The following ADGRB3 variants were observed in gnomAD, a reference collection of about 807,000 sequenced individuals.
ADGRB3 encodes adhesion G protein-coupled receptor B3, also known as brain-specific angiogenesis inhibitor 3.
A neutral mutation model predicts 193.4 loss-of-function variants in ADGRB3; 37 were observed. That is an observed-to-expected ratio of 0.19 (90% CI 0.15 to 0.25). The LOEUF is 0.25. Ranked by LOEUF, ADGRB3 falls within the 10% of genes least tolerant of loss-of-function variation. The pLI is 1.00. For synonymous variants in ADGRB3, 690 were observed against 644.2 expected, an observed-to-expected ratio of 1.07 and a Z score of -1.08; for missense variants, 1,637 against 1,852.9, an observed-to-expected ratio of 0.88 and a Z score of 2.14.
At chr6:68,789,773 A>G (rs929943256) in intron 3 of ADGRB3, among the ~76,000 whole-genome samples, 8 of 152,164 alleles carry the variant, frequency 5.3e-5, no homozygotes, top group East Asian at 1.9e-4. Flanking sequence ...CATTCTCCCC[A>G]TCACTTTCAG....
intron 3 of ADGRB3, among the ~76,000 whole-genome samples, chr6:68,921,542 A>G (rs575674959): frequency 1.3e-5 from 2 of 152,270 alleles, no homozygotes; most frequent in South Asian, 4.2e-4. Flanking sequence ...GGAATGTGGC[A>G]ATATCTAACA....
chr6:69,189,550 A>G (rs1254226468), intron 17 of ADGRB3, among the ~76,000 whole-genome samples: 1 of 152,130 alleles, frequency 6.6e-6, no homozygotes, highest in Non-Finnish European at 1.5e-5. Flanking sequence ...ACACATTAAC[A>G]TTCACTTTTA....
intron 3 of ADGRB3, among the ~76,000 whole-genome samples, chr6:68,751,797 G>A (rs1766204391): frequency 1.3e-5 from 2 of 152,030 alleles, no homozygotes; most frequent in Non-Finnish European, 2.9e-5. Context: ...AACGCAAGGG[G>A]GCATACTGTA....
chr6:68,687,992 A>G (rs1765012544), intron 3 of ADGRB3, among the ~76,000 whole-genome samples: 1 of 152,160 alleles, frequency 6.6e-6, no homozygotes, highest in Non-Finnish European at 1.5e-5. Flanking sequence ...AAACACATTC[A>G]GAAAGAGAGA....
At chr6:68,650,402 T>C (rs908797535) in intron 3 of ADGRB3, among the ~76,000 whole-genome samples, 1 of 152,070 alleles carries the variant, frequency 6.6e-6, no homozygotes, top group Admixed American at 6.6e-5. Context: ...ATATACATCA[T>C]ACATAATATT....
chr6:69,086,292 A>G (rs1772549211), intron 17 of ADGRB3, among the ~76,000 whole-genome samples: 1 of 151,996 alleles, frequency 6.6e-6, no homozygotes, highest in Non-Finnish European at 1.5e-5. Flanking sequence ...CTGTTTGCCC[A>G]CTCTCTCTAC....
At chr6:69,063,082 T>G (rs1305883157) in intron 16 of ADGRB3, 46 bp downstream of exon 16, 1 of 1,395,794 alleles carries the variant, frequency 7.2e-7, no homozygotes, top group South Asian at 1.2e-5. Context: ...GAATTACCTT[T>G]CTAACAGTCA....
chr6:69,231,600 T>C (rs1766141797), intron 17 of ADGRB3, among the ~76,000 whole-genome samples: 1 of 152,178 alleles, frequency 6.6e-6, no homozygotes, highest in Admixed American at 6.6e-5. Flanking sequence ...ATGAAGTAAA[T>C]TGATGTGCTG....
intron 10 of ADGRB3, among the ~76,000 whole-genome samples, chr6:68,988,465 G>T (rs927032831): frequency 6.6e-6 from 1 of 152,054 alleles, no homozygotes; most frequent in African/African-American, 2.4e-5. Context: ...TGTTACTAGG[G>T]TACTTGTAGT....
intron 17 of ADGRB3, among the ~76,000 whole-genome samples, chr6:69,168,648 T>G (rs997284239): frequency 1.3e-5 from 2 of 152,022 alleles, no homozygotes; most frequent in African/African-American, 4.8e-5. Context: ...AATTTAAAAT[T>G]AATTTAAATT....
intron 20 of ADGRB3, among the ~76,000 whole-genome samples, chr6:69,320,825 A>ATGTGTGTGTGTGTGTG (rs5877204): frequency 0.071 from 10,363 of 146,202 alleles, 398 homozygotes; most frequent in Middle Eastern, 0.13. Context: ...GCATGTGTGT[A>ATGTGTGTGTGTGTGTG]TGTGTGTGTG....
At chr6:69,355,993 C>T (rs984479016) in intron 28 of ADGRB3, 133 bp downstream of exon 28, 1 of 647,040 alleles carries the variant, frequency 1.5e-6, no homozygotes, top group Non-Finnish European at 2.5e-6. Context: ...TGTAAAGCAG[C>T]CCCCAAATGC....
At chr6:68,937,876 A>G (rs1767523637) in intron 5 of ADGRB3, among the ~76,000 whole-genome samples, 1 of 152,180 alleles carries the variant, frequency 6.6e-6, no homozygotes, top group South Asian at 2.1e-4. Context: ...TAATACTACT[A>G]AGCTGTACAC....
intron 17 of ADGRB3, among the ~76,000 whole-genome samples, chr6:69,182,040 A>C (rs553734823): frequency 5.9e-5 from 9 of 152,278 alleles, no homozygotes; most frequent in African/African-American, 2.2e-4. Context: ...AGATTTCCCA[A>C]CCTCAGGACT....
chr6:68,810,940 G>T (rs570543636), intron 3 of ADGRB3, among the ~76,000 whole-genome samples: 1 of 152,102 alleles, frequency 6.6e-6, no homozygotes, highest in South Asian at 2.1e-4. Flanking sequence ...ATTTTTAAAT[G>T]ATATAAAATG....
chr6:69,339,116 A>G (rs1768918347), intron 25 of ADGRB3, 102 bp downstream of exon 25: 1 of 1,279,056 alleles, frequency 7.8e-7, no homozygotes, highest in African/African-American at 1.5e-5. Context: ...ACAAGACCAG[A>G]GAGTATATTT....
At chr6:68,875,656 G>A (rs1277206051) in intron 3 of ADGRB3, among the ~76,000 whole-genome samples, 13 of 151,884 alleles carry the variant, frequency 8.6e-5, no homozygotes, top group Admixed American at 7.2e-4. Flanking sequence ...AAATGAGAAC[G>A]GTAACCAGGC....
chr6:68,974,262 A>T (rs1768674497), intron 8 of ADGRB3, among the ~76,000 whole-genome samples: 1 of 152,340 alleles, frequency 6.6e-6, no homozygotes, highest in African/African-American at 2.4e-5. Context: ...GTTCAAAAAG[A>T]AATTACAATT....
At chr6:68,702,618 G>A (rs1416286257) in intron 3 of ADGRB3, among the ~76,000 whole-genome samples, 1 of 152,066 alleles carries the variant, frequency 6.6e-6, no homozygotes, top group African/African-American at 2.4e-5. Flanking sequence ...GATAGGAAAG[G>A]ATTCAAGGCC....
Sources: gnomAD v4.1 joint callset for allele counts (sites outside exome capture counted in the v4.1 genomes callset) on GRCh38, gnomAD v4.1.1 for gene constraint, MANE v1.5 for transcripts, NCBI Gene and HGNC (gene_info 2026-07-23, HGNC 2026-07-21) for gene names.